NAALAD2: variants seen among roughly 807,000 people sequenced by gnomAD.
NAALAD2 encodes the protein N-acetylated-alpha-linked acidic dipeptidase 2.
In NAALAD2, 89 loss-of-function variants were observed where a neutral mutation model predicts 95.6. That is an observed-to-expected ratio of 0.93 (90% CI 0.78 to 1.11). The LOEUF is 1.11. Among genes scored for constraint, NAALAD2 ranks in the 50% least tolerant of loss-of-function variants. The pLI, the probability that NAALAD2 is intolerant of heterozygous loss-of-function variation, is 0.00. For missense variants in NAALAD2, 894 were observed against 872.4 expected (o/e 1.02, Z -0.31); for synonymous variants, 264 against 294.4 (o/e 0.90, Z 1.06).
chr11:90,164,149 G>A (rs1404203107), intron 11 of NAALAD2: 4 of 155,272 alleles, frequency 2.6e-5, no homozygotes, highest in Non-Finnish European at 5.7e-5. Context: ...AGTATAAAGT[G>A]ATAATTCTGT....
At chr11:90,167,146 G>A (rs1046160826) in intron 11 of NAALAD2, among the ~76,000 whole-genome samples, 7 of 152,184 alleles carry the variant, frequency 4.6e-5, no homozygotes, top group African/African-American at 1.7e-4. Flanking sequence ...TTCTGGGCTG[G>A]CCAAGGCTGG....
intron 2 of NAALAD2, among the ~76,000 whole-genome samples, chr11:90,141,128 T>C (rs979151380): frequency 1.3e-5 from 2 of 152,212 alleles, no homozygotes; most frequent in African/African-American, 4.8e-5. Flanking sequence ...GTCCTGATTA[T>C]TAAAGTGACA....
intron 18 of NAALAD2, among the ~76,000 whole-genome samples, chr11:90,187,340 A>G (rs1857184019): frequency 6.6e-6 from 1 of 151,290 alleles, no homozygotes; most frequent in South Asian, 2.1e-4. Flanking sequence ...TTAGGTTACT[A>G]CCAAACTGTC....
At chr11:90,162,852 A>G (rs977062781) in intron 8 of NAALAD2, 97 bp from the exon 9 acceptor site, 12 of 682,194 alleles carry the variant, frequency 1.8e-5, no homozygotes, top group Non-Finnish European at 2.5e-6. Flanking sequence ...ACAGCTTTTC[A>G]TAATAAAACA....
intron 1 of NAALAD2, chr11:90,135,259 T>C (rs1281643823): frequency 6.3e-6 from 2 of 315,540 alleles, no homozygotes; most frequent in Non-Finnish European, 1.1e-5. Context: ...ATGTTCCCTA[T>C]GTGTCAGGGA....
intron 11 of NAALAD2, among the ~76,000 whole-genome samples, chr11:90,165,905 G>A (rs621520): frequency 0.023 from 3,509 of 152,056 alleles, 141 homozygotes; most frequent in African/African-American, 0.079. Flanking sequence ...TAATAAAAAC[G>A]CTTTGCATTA....
intron 18 of NAALAD2, among the ~76,000 whole-genome samples, chr11:90,185,143 A>G (rs1565551277): frequency 1.3e-5 from 2 of 151,678 alleles, no homozygotes; most frequent in Admixed American, 1.3e-4. Flanking sequence ...ATATACTTAC[A>G]TATACATTTA....
At chr11:90,181,520 G>A (rs1182028676) in intron 16 of NAALAD2, 100 bp from the exon 17 acceptor site, 6 of 738,318 alleles carry the variant, frequency 8.1e-6, no homozygotes, top group Admixed American at 2.6e-5. Flanking sequence ...AAATGGCTTC[G>A]ACATCTATGT....
Position 90,170,200 on chromosome 11 carries a change from C to A in NAALAD2, c.1410+64C>A. 6 of 979,882 alleles carry A rather than the reference C, an allele frequency of 6.1e-6. No homozygotes were observed. In the South Asian group the frequency reaches 8.1e-5, roughly 13 times the overall value. 60.7% of individuals were successfully genotyped at this position (979,882 alleles called of 1,614,324 possible). A position where few individuals can be genotyped will look rare whatever the true frequency, so the allele number is the denominator to read the frequency against. On this transcript the variant is annotated intron_variant, in intron 13 of 18. Coordinates refer to ENST00000534061, the MANE Select transcript of NAALAD2 (RefSeq NM_005467.4). ...ATGGATAAATGAATAACGTGTGTTC[C>A]CCCCTAAATTAATGGTACTTATTTT... is the stretch of plus-strand genomic sequence containing the variant.
chr11:90,185,969 A>G (rs1857129165), intron 18 of NAALAD2, among the ~76,000 whole-genome samples: 1 of 151,058 alleles, frequency 6.6e-6, no homozygotes, highest in Non-Finnish European at 1.5e-5. Context: ...ATCACATCTC[A>G]TGACTTTTTG....
chr11:90,164,022 A>G (rs1357235847), intron 11 of NAALAD2: 9 of 306,194 alleles, frequency 2.9e-5, no homozygotes, highest in Non-Finnish European at 5.3e-5. Context: ...GAGAAAATAT[A>G]AGATGTTCTA....
At chr11:90,189,239 T>A (rs1857251617) in intron 18 of NAALAD2, among the ~76,000 whole-genome samples, 1 of 152,164 alleles carries the variant, frequency 6.6e-6, no homozygotes, top group African/African-American at 2.4e-5. Context: ...CAGGAAGGAA[T>A]GTGACCCTGA....
At chr11:90,155,472 ACATGTATAT>A in intron 6 of NAALAD2, among the ~76,000 whole-genome samples, 1 of 109,518 alleles carries the variant, frequency 9.1e-6, no homozygotes, top group Non-Finnish European at 1.7e-5. Flanking sequence ...TATTACATAT[ACATGTATAT>A]ATTATATATA....
In NAALAD2 at chr11:90,192,607, A is replaced by C. The variant is rs1857364710; in HGVS notation, c.*860A>C. On this transcript the variant is annotated 3_prime_UTR_variant, in exon 19 of 19. Transcript: ENST00000534061. ...AGCCTCAATAAACGTGATTATAAAA[A>C]ACAAGTCTGCAAGGAAACCAGAATC... The C allele has an allele frequency of 6.6e-6, 1 of 152,012 alleles. No homozygotes were observed. The highest frequency in any genetic ancestry group is 2.4e-5 in the African/African-American group (1 of 41,448). The allele number at this position is 152,012 out of a possible 1,614,324, so 9.4% of individuals were successfully genotyped here.
chr11:90,134,702 T>C lies in NAALAD2; in HGVS notation c.-57T>C. 6.4e-7 allele frequency: 1 copy of C among 1,568,868 alleles called. No individual in the cohort carries two copies. The highest frequency in any genetic ancestry group is 1.4e-5 in the African/African-American group (1 of 74,030). On this transcript the variant is annotated 5_prime_UTR_variant, in exon 1 of 19. Transcript: ENST00000534061. Reference sequence around the variant, plus strand: ...CCTGCCAGCGCGCTCTCTGTTTCTCTGCAGCCCCGAAGCTCGCGAATGTAG... The same window carrying C: ...CCTGCCAGCGCGCTCTCTGTTTCTCCGCAGCCCCGAAGCTCGCGAATGTAG...
intron 2 of NAALAD2, among the ~76,000 whole-genome samples, chr11:90,140,126 G>A (rs1484158079): frequency 1.3e-5 from 2 of 152,114 alleles, no homozygotes; most frequent in African/African-American, 2.4e-5. Context: ...TTCAGGTAGT[G>A]ATGATTAGGG....
At chr11:90,142,478 A>G (rs1030269538) in intron 2 of NAALAD2, among the ~76,000 whole-genome samples, 3 of 152,110 alleles carry the variant, frequency 2.0e-5, no homozygotes, top group African/African-American at 7.2e-5. Context: ...TCAGCCTTCT[A>G]ATACTTATGT....
chr11:90,163,484 T>G (rs1291233058), intron 10 of NAALAD2, 51 bp from the exon 11 acceptor site: 2 of 1,613,038 alleles, frequency 1.2e-6, no homozygotes, highest in Non-Finnish European at 1.7e-6. Flanking sequence ...TGAATTTTCT[T>G]TTATTTTTTA....
chr11:90,182,836 A>C (rs1857003362), intron 17 of NAALAD2, 80 bp from the exon 18 acceptor site: 11 of 959,090 alleles, frequency 1.1e-5, no homozygotes, highest in Non-Finnish European at 1.8e-5. Flanking sequence ...TATTTTCCCA[A>C]GCCTTGTTTT....
Sources: gnomAD v4.1 joint callset for allele counts (sites outside exome capture counted in the v4.1 genomes callset) on GRCh38, gnomAD v4.1.1 for gene constraint, MANE v1.5 for transcripts, NCBI Gene and HGNC (gene_info 2026-07-23, HGNC 2026-07-21) for gene names.